The following ROBO1 variants were observed in gnomAD, a reference collection of about 807,000 sequenced individuals.
ROBO1 encodes roundabout guidance receptor 1, also known as roundabout homolog 1.
In ROBO1, 149 loss-of-function variants were observed where a neutral mutation model predicts 195.9. The observed-to-expected ratio is 0.76, with a 90% confidence interval of 0.67 to 0.87. The LOEUF is 0.87. Among genes scored for constraint, ROBO1 ranks in the 40% least tolerant of loss-of-function variants. The pLI, the probability that ROBO1 is intolerant of heterozygous loss-of-function variation, is 0.00. For missense variants in ROBO1, 1,933 were observed against 2,068.3 expected (o/e 0.93, Z 1.27); for synonymous variants, 816 against 733.2 (o/e 1.11, Z -1.82).
At chr3:79,010,608 A>G (rs1225377282) in intron 3 of ROBO1, among the ~76,000 whole-genome samples, 1 of 152,146 alleles carries the variant, frequency 6.6e-6, no homozygotes, top group Non-Finnish European at 1.5e-5. Context: ...GGGTTTTTTC[A>G]TCATGTAAAC....
intron 2 of ROBO1, among the ~76,000 whole-genome samples, chr3:79,256,013 T>C (rs1311298806): frequency 1.3e-5 from 2 of 152,188 alleles, no homozygotes; most frequent in Non-Finnish European, 2.9e-5. Flanking sequence ...GAAAGCATCC[T>C]TGGCAGACTA....
intron 4 of ROBO1, among the ~76,000 whole-genome samples, chr3:78,901,687 C>G (rs1458868472): frequency 6.6e-6 from 1 of 152,132 alleles, no homozygotes; most frequent in African/African-American, 2.4e-5. Flanking sequence ...AAAAGTGAGG[C>G]CTGACAGGCA....
At chr3:78,934,048 A>C (rs1387130450) in intron 4 of ROBO1, among the ~76,000 whole-genome samples, 1 of 152,066 alleles carries the variant, frequency 6.6e-6, no homozygotes, top group Non-Finnish European at 1.5e-5. Context: ...AAAATAAAGT[A>C]AGAACTGATC....
intron 2 of ROBO1, among the ~76,000 whole-genome samples, chr3:79,245,253 T>TA: frequency 6.6e-6 from 1 of 152,128 alleles, no homozygotes. Context: ...AGATACTCTT[T>TA]AGTACTGAAT....
chr3:78,668,648 T>C, intron 11 of ROBO1, 83 bp from the exon 12 acceptor site: 1 of 1,173,408 alleles, frequency 8.5e-7, no homozygotes, highest in Non-Finnish European at 1.2e-6. Flanking sequence ...TTGTATATGA[T>C]CCATGAATAT....
At chr3:79,653,289 G>T (rs564814872) in intron 1 of ROBO1, among the ~76,000 whole-genome samples, 58 of 151,626 alleles carry the variant, frequency 3.8e-4, no homozygotes, top group African/African-American at 1.4e-3. Context: ...ATATTTTCTT[G>T]TCAAATATAA....
At chr3:78,651,980 G>A (rs1706691790) in intron 18 of ROBO1, 51 bp from the exon 19 acceptor site, 5 of 1,377,256 alleles carry the variant, frequency 3.6e-6, no homozygotes. Context: ...ATGCAATAAT[G>A]CACGCACTCA....
intron 2 of ROBO1, among the ~76,000 whole-genome samples, chr3:79,381,505 T>C (rs1225821223): frequency 6.6e-6 from 1 of 152,044 alleles, no homozygotes; most frequent in Non-Finnish European, 1.5e-5. Context: ...TTCTTGGCCA[T>C]AGTTGTCACT....
chr3:79,533,948 A>G (rs751312694), intron 2 of ROBO1, among the ~76,000 whole-genome samples: 13 of 152,022 alleles, frequency 8.6e-5, no homozygotes, highest in Non-Finnish European at 1.8e-4. Context: ...AAGCTTATTA[A>G]TCAGCTGAAT....
chr3:79,690,716 C>T (rs1309656864), intron 1 of ROBO1, among the ~76,000 whole-genome samples: 3 of 151,938 alleles, frequency 2.0e-5, no homozygotes, highest in Non-Finnish European at 2.9e-5. Context: ...ATACTGACTG[C>T]CAGCTGTGGA....
chr3:79,361,578 A>G (rs1037206533), intron 2 of ROBO1, among the ~76,000 whole-genome samples: 1 of 152,104 alleles, frequency 6.6e-6, no homozygotes, highest in Non-Finnish European at 1.5e-5. Context: ...AGACATTAAT[A>G]AAGATTGGCA....
At chr3:78,793,712 G>A (rs750685616) in intron 4 of ROBO1, among the ~76,000 whole-genome samples, 1 of 151,898 alleles carries the variant, frequency 6.6e-6, no homozygotes, top group Non-Finnish European at 1.5e-5. Context: ...TTTTAGATTG[G>A]GAGGTAGAGG....
At chr3:79,758,088 A>G (rs374343121) in intron 1 of ROBO1, among the ~76,000 whole-genome samples, 4 of 152,226 alleles carry the variant, frequency 2.6e-5, no homozygotes, top group African/African-American at 9.6e-5. Context: ...GCAGCTATCC[A>G]CTGAAAATTA....
At chr3:78,932,228 T>C (rs557779870) in intron 4 of ROBO1, among the ~76,000 whole-genome samples, 2 of 152,290 alleles carry the variant, frequency 1.3e-5, no homozygotes, top group African/African-American at 2.4e-5. Context: ...TCTCATTTTA[T>C]TAGTTTTTAA....
chr3:79,125,017 G>A (rs933569822), intron 3 of ROBO1, among the ~76,000 whole-genome samples: 9 of 151,784 alleles, frequency 5.9e-5, no homozygotes, highest in South Asian at 2.1e-4. Context: ...GAATTACATC[G>A]CTCTAAGAGT....
At chr3:79,325,554 C>T (rs1417419022) in intron 2 of ROBO1, among the ~76,000 whole-genome samples, 1 of 152,124 alleles carries the variant, frequency 6.6e-6, no homozygotes, top group Admixed American at 6.5e-5. Context: ...ACGGAGGGAC[C>T]GGCTGAAGCC....
At chr3:79,560,560 C>CAG (rs1942880029) in intron 2 of ROBO1, among the ~76,000 whole-genome samples, 2 of 69,822 alleles carry the variant, frequency 2.9e-5, no homozygotes, top group South Asian at 8.1e-4. Context: ...TATATATATA[C>CAG]ACATACACAT....
chr3:79,678,638 AC>A (rs755446047), intron 1 of ROBO1, among the ~76,000 whole-genome samples: 4 of 152,108 alleles, frequency 2.6e-5, no homozygotes, highest in Admixed American at 6.6e-5. Context: ...AGAAAATCTT[AC>A]ATTTTCAATA....
At chr3:79,138,716 A>G (rs147860178) in intron 2 of ROBO1, among the ~76,000 whole-genome samples, 3,204 of 152,082 alleles carry the variant, frequency 0.021, 60 homozygotes, top group South Asian at 0.052. Context: ...AACTGAAAAA[A>G]ATTATAGTAT....
Sources: allele counts gnomAD v4.1 joint callset (sites outside exome capture counted in the v4.1 genomes callset), GRCh38; gene constraint gnomAD v4.1.1; transcripts MANE v1.5; gene names NCBI Gene and HGNC (gene_info 2026-07-23, HGNC 2026-07-21).